DRC11: variants seen among roughly 807,000 people sequenced by gnomAD.
DRC11 encodes dynein regulatory complex subunit 11, also known as IQ and AAA domain-containing protein 1.
chr2:236,427,193 AG>A, the DRC11 span, among the ~76,000 whole-genome samples: 1 of 152,042 alleles, frequency 6.6e-6, no homozygotes, highest in African/African-American at 2.4e-5. The surrounding 1 kb of genome is among the most constrained non-coding windows in gnomAD (Gnocchi z 5.9). Context: ...TATTTTGTTG[AG>A]GGTTTCTGCA....
chr2:236,465,735 G>C, the DRC11 span: 2 of 1,442,896 alleles, frequency 1.4e-6, no homozygotes, highest in Admixed American at 1.8e-5. The surrounding 1 kb of genome is among the most constrained non-coding windows in gnomAD (Gnocchi z 6.2). Flanking sequence ...AAGCAACAAG[G>C]TTTGAGGTCA....
chr2:236,328,789 G>C, the DRC11 span, among the ~76,000 whole-genome samples: 1 of 152,304 alleles, frequency 6.6e-6, no homozygotes. The surrounding 1 kb of genome is among the most constrained non-coding windows in gnomAD (Gnocchi z 6.7). Context: ...GGAAAGGTAT[G>C]AATTTCAGCT....
the DRC11 span, among the ~76,000 whole-genome samples, chr2:236,422,962 A>G: frequency 6.6e-6 from 1 of 152,074 alleles, no homozygotes. Context: ...AGGATTCCCT[A>G]TTTAATAAAT....
the DRC11 span, chr2:236,399,609 A>AGTGCCCCTCTGGCCC: frequency 5.7e-5 from 45 of 784,174 alleles, no homozygotes; most frequent in African/African-American, 5.9e-4. This position sits in a 1 kb window ranked among gnomAD's most constrained non-coding sequence, Gnocchi z 7.0. Flanking sequence ...CCCCCTGGGC[A>AGTGCCCCTCTGGCCC]GTGCCCCTCT....
the DRC11 span, among the ~76,000 whole-genome samples, chr2:236,401,794 G>A: frequency 6.6e-6 from 1 of 152,100 alleles, no homozygotes; most frequent in South Asian, 2.1e-4. This position sits in a 1 kb window ranked among gnomAD's most constrained non-coding sequence, Gnocchi z 4.6. Flanking sequence ...ACTGTTTAAT[G>A]GGTACGGGGT....
At chr2:236,480,022 G>GTT in the DRC11 span, among the ~76,000 whole-genome samples, 4,497 of 135,370 alleles carry the variant, frequency 0.033, 185 homozygotes, top group African/African-American at 0.083. Flanking sequence ...TGGTTGACAG[G>GTT]TTTTTTTTTT....
the DRC11 span, chr2:236,407,875 C>G: frequency 2.7e-6 from 1 of 372,434 alleles, no homozygotes; most frequent in Non-Finnish European, 5.2e-6. Context: ...GCAATTTGGT[C>G]TTTCTTGAGT....
the DRC11 span, among the ~76,000 whole-genome samples, chr2:236,419,554 G>A: frequency 6.6e-6 from 1 of 152,232 alleles, no homozygotes; most frequent in Non-Finnish European, 1.5e-5. The surrounding 1 kb of genome is among the most constrained non-coding windows in gnomAD (Gnocchi z 4.8). Flanking sequence ...CCAGCTCCTG[G>A]AGGTTCCACA....
the DRC11 span, among the ~76,000 whole-genome samples, chr2:236,344,031 A>G: frequency 6.6e-6 from 1 of 151,148 alleles, no homozygotes; most frequent in Non-Finnish European, 1.5e-5. Flanking sequence ...CATTTTTTTT[A>G]ACTTGTGGGA....
chr2:236,501,930 T>C, the DRC11 span, among the ~76,000 whole-genome samples: 4 of 152,112 alleles, frequency 2.6e-5, no homozygotes, highest in Non-Finnish European at 5.9e-5. Flanking sequence ...AGGAGTGCTT[T>C]TCAGTTCAAC....
the DRC11 span, among the ~76,000 whole-genome samples, chr2:236,491,172 TA>T: frequency 1.0e-5 from 1 of 96,976 alleles, no homozygotes; most frequent in South Asian, 3.0e-4. Context: ...TATATATATA[TA>T]TATATATACA....
chr2:236,437,416 C>T, the DRC11 span, among the ~76,000 whole-genome samples: 1 of 151,346 alleles, frequency 6.6e-6, no homozygotes, highest in Non-Finnish European at 1.5e-5. Flanking sequence ...GTGCATGTAT[C>T]TTTATAGCAG....
chr2:236,423,449 C>A, the DRC11 span, among the ~76,000 whole-genome samples: 7 of 152,084 alleles, frequency 4.6e-5, no homozygotes, highest in African/African-American at 1.2e-4. Flanking sequence ...CACATGAAAA[C>A]ATGCTCATCA....
At chr2:236,383,793 TC>T in the DRC11 span, among the ~76,000 whole-genome samples, 5 of 152,124 alleles carry the variant, frequency 3.3e-5, no homozygotes, top group Non-Finnish European at 7.3e-5. Context: ...TAGGTATATC[TC>T]CCGATGCTAT....
chr2:236,339,308 A>C, the DRC11 span, among the ~76,000 whole-genome samples: 3 of 152,186 alleles, frequency 2.0e-5, no homozygotes, highest in African/African-American at 7.2e-5. Flanking sequence ...AGGTTCTATT[A>C]ATAGATAGAA....
At chr2:236,321,327 G>A in the DRC11 span, among the ~76,000 whole-genome samples, 1 of 152,198 alleles carries the variant, frequency 6.6e-6, no homozygotes, top group South Asian at 2.1e-4. Flanking sequence ...AATACAAAAT[G>A]AGGCCCGTCT....
the DRC11 span, among the ~76,000 whole-genome samples, chr2:236,449,952 T>C: frequency 1.1e-4 from 17 of 152,298 alleles, no homozygotes; most frequent in East Asian, 3.1e-3. This position sits in a 1 kb window ranked among gnomAD's most constrained non-coding sequence, Gnocchi z 5.1. Context: ...CCTATGTGTG[T>C]ATTTACAGTT....
chr2:236,411,104 C>T, the DRC11 span, among the ~76,000 whole-genome samples: 2 of 145,908 alleles, frequency 1.4e-5, no homozygotes, highest in Admixed American at 6.9e-5. Flanking sequence ...CCAGAGTGAA[C>T]AGGCAACCTA....
At chr2:236,335,123 G>C in the DRC11 span, among the ~76,000 whole-genome samples, 1 of 152,322 alleles carries the variant, frequency 6.6e-6, no homozygotes, top group Non-Finnish European at 1.5e-5. This position sits in a 1 kb window ranked among gnomAD's most constrained non-coding sequence, Gnocchi z 5.6. Context: ...GGAATTTGAG[G>C]AGTGGGGCCG....
Sources: allele counts gnomAD v4.1 joint callset (sites outside exome capture counted in the v4.1 genomes callset), GRCh38; gene constraint gnomAD v4.1.1; non-coding constraint Gnocchi (gnomAD v3.1); transcripts MANE v1.5; gene names NCBI Gene and HGNC (gene_info 2026-07-23, HGNC 2026-07-21).